The following EML4 variants were observed in gnomAD, a reference collection of about 807,000 sequenced individuals.
EML4 encodes the protein echinoderm microtubule-associated protein-like 4.
EML4 carries 72 observed loss-of-function variants against 129.0 expected under a neutral mutation model. The ratio of observed to expected loss-of-function variants is 0.56; its 90% CI spans 0.46 to 0.68. EML4 has a LOEUF of 0.68. Ranked by LOEUF, EML4 falls within the 30% of genes least tolerant of loss-of-function variation. The pLI is 0.00. For missense variants in EML4, 1,363 were observed against 1,190.6 expected (o/e 1.14, Z -2.13); for synonymous variants, 532 against 405.0 (o/e 1.31, Z -3.77).
intron 1 of EML4, among the ~76,000 whole-genome samples, chr2:42,172,504 A>G (rs985610708): frequency 1.3e-5 from 2 of 152,230 alleles, no homozygotes; most frequent in African/African-American, 2.4e-5. Context: ...TTACATAAAA[A>G]ACAAGTGAAG....
At chr2:42,264,028 T>C (rs966050779) in intron 5 of EML4, among the ~76,000 whole-genome samples, 6 of 151,636 alleles carry the variant, frequency 4.0e-5, no homozygotes, top group Admixed American at 3.3e-4. Context: ...CGTGCCAGCC[T>C]GGTGTATGTT....
intron 1 of EML4, among the ~76,000 whole-genome samples, chr2:42,191,261 A>G (rs1359916338): frequency 6.6e-6 from 1 of 152,194 alleles, no homozygotes; most frequent in Non-Finnish European, 1.5e-5. Flanking sequence ...AGGGTAAGTT[A>G]TACATTATCA....
chr2:42,272,380 T>C (rs1300724276), intron 6 of EML4, among the ~76,000 whole-genome samples: 1 of 152,248 alleles, frequency 6.6e-6, no homozygotes, highest in Non-Finnish European at 1.5e-5. Flanking sequence ...TGAACTATTT[T>C]AATGTTTCTA....
Position 42,169,525 on chromosome 2 carries a change from G to A in EML4, c.-87G>A. The A allele has an allele frequency of 6.7e-7, 1 of 1,484,454 alleles. No individual in the cohort carries two copies. Among genetic ancestry groups the A allele is most frequent in the Non-Finnish European group, 9.0e-7 (1 of 1,106,276 alleles). 92.0% of individuals were successfully genotyped at this position (1,484,454 alleles called of 1,614,324 possible). ...AGCCGGGCGACCTAGAGAACGAGCG[G>A]GTCAGGCTCAGCGTCGGCCACTCTG... On this transcript the variant is annotated 5_prime_UTR_variant, in exon 1 of 23. Transcript: ENST00000318522.
intron 6 of EML4, among the ~76,000 whole-genome samples, chr2:42,273,447 G>A (rs1666484213): frequency 6.6e-6 from 1 of 152,150 alleles, no homozygotes; most frequent in South Asian, 2.1e-4. Flanking sequence ...CTGATTAAAG[G>A]AGTTTAGGTT....
At chr2:42,260,683 G>A (rs1241481088) in intron 3 of EML4, among the ~76,000 whole-genome samples, 1 of 152,156 alleles carries the variant, frequency 6.6e-6, no homozygotes, top group Non-Finnish European at 1.5e-5. Flanking sequence ...ACTCAATTGA[G>A]TGGAGTAGAA....
chr2:42,268,713 T>C (rs1666206911), intron 6 of EML4, among the ~76,000 whole-genome samples: 1 of 152,196 alleles, frequency 6.6e-6, no homozygotes, highest in Non-Finnish European at 1.5e-5. Context: ...GTTAGGATTA[T>C]AGCTGTGAGC....
intron 17 of EML4, among the ~76,000 whole-genome samples, chr2:42,308,145 A>G (rs1668721865): frequency 6.6e-6 from 1 of 152,250 alleles, no homozygotes; most frequent in South Asian, 2.1e-4. Flanking sequence ...ATAATGTCTT[A>G]TTAATGTAAT....
At chr2:42,321,684 A>G (rs897259350) in intron 19 of EML4, among the ~76,000 whole-genome samples, 12 of 152,200 alleles carry the variant, frequency 7.9e-5, no homozygotes, top group Non-Finnish European at 1.5e-5. Context: ...GGGAAATAAT[A>G]GTGTTCTAGC....
At chr2:42,259,116 G>A (rs1481307414) in intron 3 of EML4, among the ~76,000 whole-genome samples, 6 of 151,898 alleles carry the variant, frequency 4.0e-5, no homozygotes, top group Non-Finnish European at 8.8e-5. Flanking sequence ...GTGTGGTGGC[G>A]GGCGCCTGTA....
intron 1 of EML4, among the ~76,000 whole-genome samples, chr2:42,235,879 A>G (rs563774709): frequency 6.6e-6 from 1 of 152,296 alleles, no homozygotes. Flanking sequence ...ATTCACAAAA[A>G]ATGGATTCAT....
intron 17 of EML4, among the ~76,000 whole-genome samples, chr2:42,308,013 G>C (rs1343366744): frequency 1.3e-5 from 2 of 152,226 alleles, no homozygotes; most frequent in African/African-American, 4.8e-5. Context: ...TCCAAAAAAA[G>C]TGACTAGTAA....
intron 11 of EML4, among the ~76,000 whole-genome samples, chr2:42,292,784 A>G (rs570360550): frequency 1.8e-4 from 27 of 152,206 alleles, no homozygotes; most frequent in Non-Finnish European, 1.5e-5. Context: ...ATAAAAAGTT[A>G]AAAGGATATA....
chr2:42,309,664 T>C (rs759179700), intron 17 of EML4, among the ~76,000 whole-genome samples: 1 of 152,174 alleles, frequency 6.6e-6, no homozygotes, highest in Non-Finnish European at 1.5e-5. Context: ...GAGCATTTCT[T>C]CAAGTACTTA....
chr2:42,264,860 G>C, intron 6 of EML4, 129 bp downstream of exon 6: 4 of 1,510,804 alleles, frequency 2.6e-6, no homozygotes, highest in South Asian at 1.2e-5. Context: ...CGTTACTGTA[G>C]TCATTTAGGA....
At chr2:42,216,808 T>C (rs532443441) in intron 1 of EML4, among the ~76,000 whole-genome samples, 1 of 152,328 alleles carries the variant, frequency 6.6e-6, no homozygotes, top group African/African-American at 2.4e-5. Context: ...GGAAAGCTAT[T>C]GAACCAAATT....
chr2:42,253,172 T>C lies in EML4; in HGVS notation c.209-3329T>C, dbSNP rs138611615. 3.3e-5 allele frequency among the ~76,000 whole-genome samples: 5 copies of C among 152,244 alleles called. No individual in the cohort carries two copies. In the East Asian group the frequency reaches 9.6e-4, roughly 29 times the overall value. On this transcript the variant is annotated intron_variant, in intron 2 of 22. Coordinates refer to ENST00000318522, the MANE Select transcript of EML4 (RefSeq NM_019063.5). The stretch of plus-strand genomic sequence containing the variant: ...TAGGAATTCAGAATAAACTGAAGCA[T>C]AGGGTGTAAGATTGGGAGTTTCAAG...
chr2:42,194,418 G>A lies in EML4; in HGVS notation c.25+24782G>A, dbSNP rs1443026331. ...TACTATGGAAACAAATTTTTTGTCA[G>A]AAAATATTTTGTGAATATTTTCCCC... On this transcript the variant is annotated intron_variant, in intron 1 of 22. Coordinates refer to ENST00000318522, the MANE Select transcript of EML4 (RefSeq NM_019063.5). Among the ~76,000 whole-genome samples the A allele has an allele frequency of 4.9e-5, 7 of 143,976 alleles. No homozygotes were observed. In the South Asian group the frequency reaches 1.5e-3, roughly 31 times the overall value. The allele number at this position is 143,976 out of a possible 152,430, so 94.5% of individuals were successfully genotyped here.
chr2:42,204,844 G>A (rs190365695), intron 1 of EML4, among the ~76,000 whole-genome samples: 1 of 152,174 alleles, frequency 6.6e-6, no homozygotes, highest in African/African-American at 2.4e-5. Context: ...AGTTAACCTA[G>A]TTAGGTAGGT....
Sources: allele counts gnomAD v4.1 joint callset (sites outside exome capture counted in the v4.1 genomes callset), GRCh38; gene constraint gnomAD v4.1.1; transcripts MANE v1.5; gene names NCBI Gene and HGNC (gene_info 2026-07-23, HGNC 2026-07-21).